Variants in STK26 observed in about 807,000 individuals in gnomAD.
STK26 encodes the protein serine/threonine kinase 26.
In STK26, 14 loss-of-function variants were observed where a neutral mutation model predicts 34.7. That is an observed-to-expected ratio of 0.40 (90% CI 0.27 to 0.63). The LOEUF (loss-of-function observed/expected upper bound fraction) is 0.63, where lower values mean the gene tolerates loss of function less well. STK26 is among the 30% of genes least tolerant of loss of function. STK26 has a pLI of 0.38. For synonymous variants in STK26, 100 were observed against 109.8 expected, an observed-to-expected ratio of 0.91 and a Z score of 0.56; for missense variants, 226 against 309.1, an observed-to-expected ratio of 0.73 and a Z score of 2.02.
intron 2 of STK26, among the ~76,000 whole-genome samples, chrX:132,054,336 T>C (rs972999683): frequency 1.8e-5 from 2 of 112,342 alleles, no homozygotes; most frequent in Admixed American, 9.4e-5. Context: ...AATCAGCGGC[T>C]TTATTCCAAA....
chrX:132,074,343 AT>A lies in STK26; in HGVS notation c.*188del. The A allele has an allele frequency of 5.0e-6, 2 of 399,240 alleles. No individual in the cohort carries two copies. Among genetic ancestry groups the A allele is most frequent in the Non-Finnish European group, 4.3e-6 (1 of 233,904 alleles). 32.9% of individuals were successfully genotyped at this position (399,240 alleles called of 1,213,427 possible). A position where few individuals can be genotyped will look rare whatever the true frequency, so the allele number is the denominator to read the frequency against. On this transcript the variant is annotated 3_prime_UTR_variant, in exon 12 of 12. Transcript: ENST00000394334. ...TATCATTTTATATTTTGAAAGGATT[AT>A]TTTGTAAGGAATAACTTTTAATACT...
chrX:132,048,661 G>T (rs145327143), intron 2 of STK26, among the ~76,000 whole-genome samples: 1,689 of 111,866 alleles, frequency 0.015, 20 homozygotes, highest in Non-Finnish European at 0.024. Flanking sequence ...TCAAGAGTCT[G>T]TATCTCTTCT....
intron 9 of STK26, 111 bp downstream of exon 9, chrX:132,072,472 C>A: frequency 1.6e-6 from 1 of 628,320 alleles, no homozygotes; most frequent in Non-Finnish European, 2.5e-6. Context: ...GCCTGTCTGC[C>A]TCACTGTGTT....
At chrX:132,034,936 T>G in intron 2 of STK26, among the ~76,000 whole-genome samples, 1 of 110,886 alleles carries the variant, frequency 9.0e-6, no homozygotes, top group Non-Finnish European at 1.9e-5. Context: ...GCTCCGCCAA[T>G]TTGGGGAGCA....
In STK26 at chrX:132,025,197, T is replaced by C. The variant is rs150221992; in HGVS notation, c.42+1538T>C. ...AAAGTGACATTTTCTCACCGTGCTC[T>C]TCTTTCCATTCTGTGGAGAGTAAAA... On this transcript the variant is annotated intron_variant, in intron 2 of 11. Transcript: ENST00000394334. Among the ~76,000 whole-genome samples the C allele has an allele frequency of 1.2e-4, 13 of 111,086 alleles. No individual in the cohort carries two copies. In the East Asian group the frequency reaches 2.8e-3, roughly 24 times the overall value.
At chrX:132,026,616 C>T (rs1463703750) in intron 2 of STK26, among the ~76,000 whole-genome samples, 1 of 112,178 alleles carries the variant, frequency 8.9e-6, no homozygotes, top group Non-Finnish European at 1.9e-5. Flanking sequence ...AAGATATTTC[C>T]CCTTAGAGCC....
At chrX:132,068,352 A>G in intron 5 of STK26, 29 bp downstream of exon 5, 1 of 1,197,005 alleles carries the variant, frequency 8.4e-7, no homozygotes, top group Non-Finnish European at 1.1e-6. Context: ...TGAACCTGAG[A>G]AAAATAGAAG....
At chrX:132,061,643 A>G (rs941120654) in intron 3 of STK26, among the ~76,000 whole-genome samples, 2 of 111,445 alleles carry the variant, frequency 1.8e-5, no homozygotes, top group African/African-American at 3.3e-5. Context: ...ATTTTGTCTT[A>G]ATTAACTGAG....
intron 11 of STK26, 112 bp from the exon 12 acceptor site, chrX:132,074,023 A>G (rs1181314458): frequency 1.6e-6 from 1 of 617,390 alleles, no homozygotes; most frequent in African/African-American, 2.3e-5. Flanking sequence ...GATTCAATAG[A>G]AACAATGTAT....
chrX:132,041,623 AC>A (rs1926268256), intron 2 of STK26, among the ~76,000 whole-genome samples: 1 of 109,977 alleles, frequency 9.1e-6, no homozygotes, highest in African/African-American at 3.3e-5. Flanking sequence ...TCCCCACTCC[AC>A]CCCCAGCTAG....
chrX:132,066,329 T>C (rs1440327655), intron 4 of STK26, among the ~76,000 whole-genome samples: 1 of 111,991 alleles, frequency 8.9e-6, no homozygotes, highest in African/African-American at 3.2e-5. Flanking sequence ...ATGCTAACCA[T>C]AAGAGAGGGC....
intron 4 of STK26, among the ~76,000 whole-genome samples, chrX:132,063,810 G>A (rs1465739699): frequency 8.9e-6 from 1 of 111,874 alleles, no homozygotes; most frequent in East Asian, 2.8e-4. Flanking sequence ...AAAAAACTGA[G>A]TTTTCTTAGA....
intron 2 of STK26, among the ~76,000 whole-genome samples, chrX:132,033,312 A>C (rs1029601398): frequency 8.9e-6 from 1 of 112,066 alleles, no homozygotes; most frequent in Non-Finnish European, 1.9e-5. Context: ...CGCCTGCCTT[A>C]ACTTTTAGCA....
At chrX:132,052,730 A>G (rs187220240) in intron 2 of STK26, among the ~76,000 whole-genome samples, 105 of 112,328 alleles carry the variant, frequency 9.3e-4, no homozygotes, top group African/African-American at 3.3e-3. Context: ...ACAACAGAAG[A>G]TTCTTGTTAT....
intron 2 of STK26, among the ~76,000 whole-genome samples, chrX:132,025,368 A>G (rs1935077542): frequency 9.0e-6 from 1 of 111,449 alleles, no homozygotes; most frequent in Non-Finnish European, 1.9e-5. Context: ...TGAGGGGAAA[A>G]TGGTTTCTGA....
intron 2 of STK26, among the ~76,000 whole-genome samples, chrX:132,029,555 A>G (rs1925748974): frequency 9.1e-6 from 1 of 109,656 alleles, no homozygotes; most frequent in African/African-American, 3.3e-5. Context: ...TCACCACCCC[A>G]CACCACCCCA....
At chrX:132,024,501 C>T (rs992395413) in intron 2 of STK26, among the ~76,000 whole-genome samples, 1 of 111,627 alleles carries the variant, frequency 9.0e-6, no homozygotes, top group Non-Finnish European at 1.9e-5. Context: ...TTTAGGCTAT[C>T]TGCTAAGTGT....
chrX:132,071,106 T>C lies in STK26; in HGVS notation c.821T>C (p.Ile274Thr), dbSNP rs1927399776. Residue 274 changes from isoleucine to threonine, a missense_variant, in exon 8 of 12, where the codon ATT becomes ACT. Ile to Thr is a moderately conservative substitution (Grantham distance 89). Coordinates refer to ENST00000394334, the MANE Select transcript of STK26 (RefSeq NM_016542.4). The part of the protein sequence containing the change: ...TAKELLKHKF[I>T]VKNSKKTSYL... The stretch of plus-strand genomic sequence containing the variant: ...AAAGAACTTCTGAAACACAAATTCA[T>C]TGTAAAAAATTCAAAGAAGACTTCT... 8.3e-7 allele frequency: 1 copy of C among 1,206,384 alleles called. No individual in the cohort carries two copies. Among genetic ancestry groups the C allele is most frequent in the African/African-American group, 1.7e-5 (1 of 57,245 alleles).
At chrX:132,042,033 T>C (rs1219849857) in intron 2 of STK26, among the ~76,000 whole-genome samples, 1 of 111,819 alleles carries the variant, frequency 8.9e-6, no homozygotes, top group East Asian at 2.8e-4. Context: ...TATTTGAACA[T>C]TTAATTTGTG....
Sources: allele counts gnomAD v4.1 joint callset (sites outside exome capture counted in the v4.1 genomes callset), GRCh38; gene constraint gnomAD v4.1.1; transcripts MANE v1.5; gene names NCBI Gene and HGNC (gene_info 2026-07-23, HGNC 2026-07-21).